The following LRP1B variants were observed in gnomAD, a reference collection of about 807,000 sequenced individuals.
The protein encoded by LRP1B is low-density lipoprotein receptor-related protein 1B.
LRP1B carries 217 observed loss-of-function variants against 556.6 expected under a neutral mutation model. The observed-to-expected ratio is 0.39, with a 90% confidence interval of 0.35 to 0.44. LRP1B has a LOEUF of 0.44. Among genes scored for constraint, LRP1B ranks in the 20% least tolerant of loss-of-function variants. The probability of loss-of-function intolerance (pLI) is 1.00; values close to 1 mark genes in which losing one functional copy is unlikely to be tolerated. For synonymous variants in LRP1B, 2,047 were observed against 1,865.8 expected, an observed-to-expected ratio of 1.10 and a Z score of -2.50; for missense variants, 5,053 against 5,620.8, an observed-to-expected ratio of 0.90 and a Z score of 3.23.
At chr2:140,883,430 T>C (rs1269101230) in intron 25 of LRP1B, among the ~76,000 whole-genome samples, 1 of 152,144 alleles carries the variant, frequency 6.6e-6, no homozygotes, top group Non-Finnish European at 1.5e-5. Flanking sequence ...GAACAAAGAC[T>C]GGCCCTGTAG....
chr2:142,023,367 CCAG>C (rs1471884903), intron 1 of LRP1B, among the ~76,000 whole-genome samples: 2 of 152,092 alleles, frequency 1.3e-5, no homozygotes, highest in Non-Finnish European at 2.9e-5. Flanking sequence ...TGAGGATAAC[CCAG>C]CTGTCTGGCA....
At chr2:140,583,783 T>C (rs183425196) in intron 43 of LRP1B, among the ~76,000 whole-genome samples, 141 of 152,196 alleles carry the variant, frequency 9.3e-4, no homozygotes, top group Admixed American at 1.3e-3. Context: ...TTTTATATTC[T>C]CAAAATTCCT....
At chr2:140,302,364 C>A (rs1683871457) in intron 83 of LRP1B, among the ~76,000 whole-genome samples, 1 of 152,116 alleles carries the variant, frequency 6.6e-6, no homozygotes, top group Admixed American at 6.6e-5. Context: ...TCGACTCTTC[C>A]CACTCCCTAA....
At chr2:141,922,370 C>T (rs540286271) in intron 1 of LRP1B, among the ~76,000 whole-genome samples, 6 of 152,296 alleles carry the variant, frequency 3.9e-5, no homozygotes, top group African/African-American at 1.2e-4. Flanking sequence ...TATCTTTGCA[C>T]ATTTTGTCTT....
intron 1 of LRP1B, among the ~76,000 whole-genome samples, chr2:142,115,672 TA>T (rs1707214953): frequency 4.2e-4 from 3 of 7,084 alleles, no homozygotes; most frequent in African/African-American, 1.3e-3. Flanking sequence ...TATATATATG[TA>T]ATATATATAT....
At chr2:140,680,464 G>T (rs138197761) in intron 41 of LRP1B, among the ~76,000 whole-genome samples, 4 of 152,284 alleles carry the variant, frequency 2.6e-5, no homozygotes, top group African/African-American at 9.6e-5. Flanking sequence ...CTCTCCAGTG[G>T]CTACTTCAGA....
At chr2:140,803,260 GTTTTTTTTTT>G (rs11352164) in intron 32 of LRP1B, among the ~76,000 whole-genome samples, 8 of 102,238 alleles carry the variant, frequency 7.8e-5, no homozygotes, top group African/African-American at 3.1e-4. Context: ...CCTATTGAAA[GTTTTTTTTTT>G]TTTTTTTTTT....
intron 25 of LRP1B, among the ~76,000 whole-genome samples, chr2:140,881,423 G>A (rs1693471519): frequency 6.6e-6 from 1 of 151,912 alleles, no homozygotes; most frequent in East Asian, 1.9e-4. Flanking sequence ...ATCTAAAAAT[G>A]TATATTTTAA....
intron 2 of LRP1B, among the ~76,000 whole-genome samples, chr2:141,690,731 A>C (rs1574247005): frequency 6.6e-6 from 1 of 151,570 alleles, no homozygotes; most frequent in East Asian, 2.0e-4. Flanking sequence ...TTGTGATATA[A>C]AATATTAATT....
At chr2:140,974,505 C>T (rs1696531651) in intron 18 of LRP1B, among the ~76,000 whole-genome samples, 1 of 152,076 alleles carries the variant, frequency 6.6e-6, no homozygotes, top group African/African-American at 2.4e-5. Flanking sequence ...ACTAAAATAA[C>T]TTTTATTATT....
intron 81 of LRP1B, among the ~76,000 whole-genome samples, chr2:140,322,966 T>C (rs564564771): frequency 3.9e-5 from 6 of 152,114 alleles, no homozygotes; most frequent in South Asian, 4.1e-4. Flanking sequence ...TGGAACCTTA[T>C]ATGCCAAATT....
chr2:140,363,313 A>T (rs1682605854), intron 72 of LRP1B, among the ~76,000 whole-genome samples: 1 of 151,564 alleles, frequency 6.6e-6, no homozygotes, highest in Admixed American at 6.6e-5. Flanking sequence ...GGATTTTACA[A>T]GGTTTCCCAT....
At chr2:141,820,159 A>G (rs1210077514) in intron 1 of LRP1B, among the ~76,000 whole-genome samples, 3 of 152,190 alleles carry the variant, frequency 2.0e-5, no homozygotes, top group Non-Finnish European at 2.9e-5. Context: ...TACCCTCCAG[A>G]GTCTCTTAAA....
At chr2:141,428,729 A>T (rs1680461032) in intron 3 of LRP1B, among the ~76,000 whole-genome samples, 3 of 152,186 alleles carry the variant, frequency 2.0e-5, no homozygotes, top group African/African-American at 7.2e-5. Context: ...TATGGATCTG[A>T]CCTTCTCTCA....
At chr2:142,108,153 TATATA>T (rs1049452752) in intron 1 of LRP1B, among the ~76,000 whole-genome samples, 6 of 151,348 alleles carry the variant, frequency 4.0e-5, no homozygotes, top group South Asian at 2.1e-4. Context: ...TTAAAAATTA[TATATA>T]ATATATGAGA....
intron 2 of LRP1B, among the ~76,000 whole-genome samples, chr2:141,490,369 TCG>T (rs1491198238): frequency 9.2e-5 from 10 of 108,630 alleles, no homozygotes; most frequent in South Asian, 5.7e-4. Context: ...TAAAATAGCC[TCG>T]TGTGTGTGTG....
chr2:141,024,429 T>G (rs1020976532), intron 11 of LRP1B, among the ~76,000 whole-genome samples: 3 of 152,026 alleles, frequency 2.0e-5, no homozygotes, highest in African/African-American at 4.8e-5. Context: ...CAGAATATAT[T>G]AAAACATAGT....
intron 62 of LRP1B, among the ~76,000 whole-genome samples, chr2:140,451,173 C>T (rs1686869925): frequency 6.6e-6 from 1 of 152,146 alleles, no homozygotes; most frequent in Admixed American, 6.6e-5. Context: ...AACTCCTGGG[C>T]TCAAGTGATC....
intron 2 of LRP1B, among the ~76,000 whole-genome samples, chr2:141,776,992 G>A (rs946247241): frequency 2.0e-5 from 3 of 152,104 alleles, no homozygotes; most frequent in Non-Finnish European, 4.4e-5. Context: ...CACAATTTTT[G>A]TCATCTCTAA....
Sources: allele counts gnomAD v4.1 joint callset (sites outside exome capture counted in the v4.1 genomes callset), GRCh38; gene constraint gnomAD v4.1.1; transcripts MANE v1.5; gene names NCBI Gene and HGNC (gene_info 2026-07-23, HGNC 2026-07-21).